Variants in CTNNBL1 observed in about 807,000 individuals in gnomAD.
The protein encoded by CTNNBL1 is beta-catenin-like protein 1.
CTNNBL1 carries 31 observed loss-of-function variants against 72.7 expected under a neutral mutation model. The ratio of observed to expected loss-of-function variants is 0.43; its 90% CI spans 0.32 to 0.58. CTNNBL1 has a LOEUF of 0.58. Ranked by LOEUF, CTNNBL1 falls within the 20% of genes least tolerant of loss-of-function variation. CTNNBL1 has a pLI of 0.08. For synonymous variants in CTNNBL1, 240 were observed against 267.3 expected (o/e 0.90, Z 1.00); for missense variants, 534 against 725.1 (o/e 0.74, Z 3.03).
At chr20:37,858,054 G>A (rs569639501) in intron 13 of CTNNBL1, among the ~76,000 whole-genome samples, 1 of 152,188 alleles carries the variant, frequency 6.6e-6, no homozygotes, top group Non-Finnish European at 1.5e-5. Context: ...TTAATTAGCT[G>A]AGTGTGGTGG....
At chr20:37,801,020 A>G (rs1322684489) in intron 10 of CTNNBL1, among the ~76,000 whole-genome samples, 1 of 152,256 alleles carries the variant, frequency 6.6e-6, no homozygotes, top group African/African-American at 2.4e-5. Context: ...CACGCCAGTC[A>G]TTCCTTCACA....
At chr20:37,756,841 C>G (rs764060654) in intron 4 of CTNNBL1, among the ~76,000 whole-genome samples, 1 of 151,312 alleles carries the variant, frequency 6.6e-6, no homozygotes, top group Admixed American at 6.6e-5. Context: ...GAGTCAAGGT[C>G]TCACTATGTT....
At chr20:37,768,565 A>G (rs1197994089) in intron 7 of CTNNBL1, among the ~76,000 whole-genome samples, 2 of 152,246 alleles carry the variant, frequency 1.3e-5, no homozygotes, top group East Asian at 3.8e-4. Flanking sequence ...CTGTGAATAC[A>G]GTAGTCCCCT....
intron 7 of CTNNBL1, among the ~76,000 whole-genome samples, chr20:37,774,315 C>G (rs189830938): frequency 5.9e-5 from 9 of 152,210 alleles, no homozygotes. Flanking sequence ...AATGGTGTTG[C>G]CCAAACCACA....
intron 13 of CTNNBL1, among the ~76,000 whole-genome samples, chr20:37,850,673 T>C (rs1156741268): frequency 8.3e-6 from 1 of 120,396 alleles, no homozygotes; most frequent in African/African-American, 3.1e-5. Flanking sequence ...TTTGTTTTGC[T>C]GGTGTTGATG....
chr20:37,760,186 G>A (rs1462117217), intron 5 of CTNNBL1, among the ~76,000 whole-genome samples: 1 of 152,172 alleles, frequency 6.6e-6, no homozygotes, highest in African/African-American at 2.4e-5. Context: ...TCTGAAGAGT[G>A]GTAAGCGAGA....
intron 1 of CTNNBL1, among the ~76,000 whole-genome samples, chr20:37,723,134 T>C (rs2073054983): frequency 6.6e-6 from 1 of 152,250 alleles, no homozygotes; most frequent in African/African-American, 2.4e-5. Flanking sequence ...CATTAAAGTA[T>C]AGTTTGTACT....
chr20:37,712,531 A>C (rs879325001), intron 1 of CTNNBL1, among the ~76,000 whole-genome samples: 1 of 152,194 alleles, frequency 6.6e-6, no homozygotes, highest in Non-Finnish European at 1.5e-5. Flanking sequence ...ATCTTTTTCA[A>C]TTGGCTTATG....
chr20:37,814,874 G>A (rs1295745810), intron 11 of CTNNBL1, among the ~76,000 whole-genome samples: 6 of 152,132 alleles, frequency 3.9e-5, no homozygotes, highest in Non-Finnish European at 7.3e-5. Context: ...TTTTTGAATG[G>A]TGGGTCTTTG....
chr20:37,739,411 T>C lies in CTNNBL1; in HGVS notation c.326+1927T>C, dbSNP rs534445427. 3.3e-5 allele frequency among the ~76,000 whole-genome samples: 5 copies of C among 152,304 alleles called. No individual in the cohort carries two copies. The South Asian group carries it at 1.0e-3, about 32-fold the overall frequency. On this transcript the variant is annotated intron_variant, in intron 3 of 15. Transcript: ENST00000361383. The stretch of plus-strand genomic sequence containing the variant: ...AGTATTTCATGGTTTGGAAATACCA[T>C]GACTTATTTAATTATTTTCTATTAA...
intron 11 of CTNNBL1, among the ~76,000 whole-genome samples, chr20:37,819,584 A>G (rs1277400713): frequency 3.3e-5 from 5 of 151,962 alleles, no homozygotes; most frequent in Admixed American, 6.6e-5. Flanking sequence ...TCATGTTTTT[A>G]TATGTTTCTC....
chr20:37,739,818 A>G (rs994546496), intron 3 of CTNNBL1, among the ~76,000 whole-genome samples: 1 of 152,246 alleles, frequency 6.6e-6, no homozygotes, highest in Non-Finnish European at 1.5e-5. Flanking sequence ...GTAGGTGTTC[A>G]GTAAACATGA....
At chr20:37,828,148 C>G (rs1028494183) in intron 11 of CTNNBL1, among the ~76,000 whole-genome samples, 2 of 152,162 alleles carry the variant, frequency 1.3e-5, no homozygotes, top group African/African-American at 2.4e-5. Flanking sequence ...TCGTTGAACT[C>G]AGCACAGGAC....
intron 13 of CTNNBL1, among the ~76,000 whole-genome samples, chr20:37,850,857 G>A (rs2072390313): frequency 6.6e-6 from 1 of 152,200 alleles, no homozygotes; most frequent in Non-Finnish European, 1.5e-5. Context: ...TAAGGCAAGA[G>A]AGGTTCATGT....
In CTNNBL1 at chr20:37,779,307, G is replaced by A. The variant is rs1485161966; in HGVS notation, c.1003G>A (p.Gly335Ser). The A allele has an allele frequency of 6.2e-7, 1 of 1,613,580 alleles. No individual in the cohort carries two copies. The highest frequency in any genetic ancestry group is 1.3e-5 in the African/African-American group (1 of 74,934). Residue 335 changes from glycine to serine, a missense_variant, in exon 10 of 16, where the codon GGT (glycine) becomes AGT (serine). Physicochemically the swap from Gly to Ser is moderately conservative, Grantham distance 56. Transcript: ENST00000361383. ...SNRERFLKGE[G>S]LQLMNLMLRE... Reference sequence around the variant, plus strand: ...TCGTGAGCGCTTCCTGAAGGGCGAGGGTCTTCAGCTGATGAATCTCATGCT... The same window carrying A: ...TCGTGAGCGCTTCCTGAAGGGCGAGAGTCTTCAGCTGATGAATCTCATGCT...
intron 1 of CTNNBL1, among the ~76,000 whole-genome samples, chr20:37,702,293 T>C (rs1196035608): frequency 2.6e-5 from 4 of 152,254 alleles, no homozygotes; most frequent in Non-Finnish European, 5.9e-5. Context: ...ATTTTCTTCT[T>C]GTGTGAGTTT....
At chr20:37,860,415 G>A (rs944459446) in intron 15 of CTNNBL1, 71 bp downstream of exon 15, 6 of 1,212,606 alleles carry the variant, frequency 4.9e-6, no homozygotes, top group Admixed American at 1.7e-5. Context: ...GCCTCTGTCA[G>A]TATCCCTGGT....
rs146364834 is a variant in CTNNBL1 at position 37,854,159 on chromosome 20, G to A, written c.1393-5740G>A. On this transcript the variant is annotated intron_variant, in intron 13 of 15. Coordinates refer to ENST00000361383, the MANE Select transcript of CTNNBL1 (RefSeq NM_030877.5). The stretch of plus-strand genomic sequence containing the variant: ...TGAAGTTCTGAGGAAAGAGAAGAAA[G>A]TGGAGTTTGGCATTGCTCTCTTGAG... Among the ~76,000 whole-genome samples the A allele has an allele frequency of 3.6e-3, 551 of 152,336 alleles. 16 individuals are homozygous for A. The highest frequency in any genetic ancestry group is 0.033 in the Admixed American group (502 of 15,306).
At chr20:37,767,915 G>A in intron 6 of CTNNBL1, 38 bp from the exon 7 acceptor site, 1 of 1,561,104 alleles carries the variant, frequency 6.4e-7, no homozygotes, top group Non-Finnish European at 8.8e-7. Context: ...TGGAAACAAA[G>A]TTGTCCTCCC....
Sources: allele counts gnomAD v4.1 joint callset (sites outside exome capture counted in the v4.1 genomes callset), GRCh38; gene constraint gnomAD v4.1.1; transcripts MANE v1.5; gene names NCBI Gene and HGNC (gene_info 2026-07-23, HGNC 2026-07-21).